The following ASXL2 variants were observed in gnomAD, a reference collection of about 807,000 sequenced individuals.
ASXL2 encodes the protein ASXL transcriptional regulator 2.
Under a neutral mutation model 122.0 loss-of-function variants are expected in ASXL2, and 23 were observed. The ratio of observed to expected loss-of-function variants is 0.19; its 90% CI spans 0.14 to 0.27. The LOEUF (loss-of-function observed/expected upper bound fraction) is 0.27, where lower values mean the gene tolerates loss of function less well. Ranked by LOEUF, ASXL2 falls within the 10% of genes least tolerant of loss-of-function variation. The pLI is 1.00. For missense variants in ASXL2, 1,518 were observed against 1,713.8 expected, an observed-to-expected ratio of 0.89 and a Z score of 2.02; for synonymous variants, 650 against 637.0, an observed-to-expected ratio of 1.02 and a Z score of -0.31.
intron 8 of ASXL2, among the ~76,000 whole-genome samples, chr2:25,761,571 G>A (rs1481767651): frequency 6.6e-6 from 1 of 151,662 alleles, no homozygotes; most frequent in African/African-American, 2.4e-5. Flanking sequence ...TACTCGGGAG[G>A]CTGAGGCAGG....
chr2:25,858,136 T>C (rs2089802394), intron 1 of ASXL2, among the ~76,000 whole-genome samples: 1 of 152,196 alleles, frequency 6.6e-6, no homozygotes, highest in Non-Finnish European at 1.5e-5. Context: ...GATTTAGTGT[T>C]TGCAAATTGA....
At chr2:25,787,999 AG>A (rs998066258) in intron 5 of ASXL2, among the ~76,000 whole-genome samples, 2 of 152,256 alleles carry the variant, frequency 1.3e-5, no homozygotes, top group African/African-American at 2.4e-5. Context: ...TAATTAAAAC[AG>A]GGTGGTACTG....
chr2:25,759,347 C>T, intron 9 of ASXL2, 135 bp downstream of exon 9: 5 of 899,268 alleles, frequency 5.6e-6, no homozygotes, highest in African/African-American at 1.7e-5. Context: ...TTTTTTTTTC[C>T]TAAGCCTTAA....
At chr2:25,869,953 T>G (rs1359052455) in intron 1 of ASXL2, among the ~76,000 whole-genome samples, 1 of 151,636 alleles carries the variant, frequency 6.6e-6, no homozygotes, top group Admixed American at 6.6e-5. Flanking sequence ...GAATAAGGCA[T>G]TAGCCTGGCG....
At chr2:25,748,824 T>TA (rs1332346188) in intron 12 of ASXL2, among the ~76,000 whole-genome samples, 6 of 152,226 alleles carry the variant, frequency 3.9e-5, no homozygotes, top group Admixed American at 6.5e-5. Context: ...CATTGTATAT[T>TA]AAGACAGTCA....
intron 8 of ASXL2, among the ~76,000 whole-genome samples, chr2:25,765,461 C>A (rs1172801780): frequency 2.0e-5 from 3 of 150,646 alleles, no homozygotes; most frequent in East Asian, 2.0e-4. Context: ...ACTCCCTGGG[C>A]AACAGAGCGC....
chr2:25,800,626 TATA>T lies in ASXL2; in HGVS notation c.253-1094_253-1092del, dbSNP rs1173106914. ...CTACGTCAGCTTAGCATGTGAGAGA[TATA>T]ATAACAGGATAGTTCCAAGACCAAA... On this transcript the variant is annotated intron_variant, in intron 4 of 12. Coordinates refer to ENST00000435504, the MANE Select transcript of ASXL2 (RefSeq NM_018263.6). 3.9e-5 allele frequency among the ~76,000 whole-genome samples: 6 copies of T among 152,276 alleles called. No homozygotes were observed. The South Asian group carries it at 1.2e-3, about 32-fold the overall frequency.
In ASXL2 at chr2:25,743,129, G is replaced by A. The variant is rs2149136475; in HGVS notation, c.3208C>T (p.Leu1070Phe). Residue 1070 changes from leucine (L) to phenylalanine (F), a missense_variant, in exon 13 of 13, where the codon CTC (leucine) becomes TTC (phenylalanine). Leu to Phe is a conservative substitution (Grantham distance 22). Coordinates refer to ENST00000435504, the MANE Select transcript of ASXL2 (RefSeq NM_018263.6). The stretch of plus-strand genomic sequence containing the variant: ...TTCTGCCTCCGAACCCTCTGAATGA[G>A]AGTCTGAAGGATCTGATCTTGGGTT... ...KATQDQILQT[L>F]IQRVRRQNLL... The A allele has an allele frequency of 1.2e-6, 2 of 1,614,008 alleles. No homozygotes were observed. Among genetic ancestry groups the A allele is most frequent in the Non-Finnish European group, 8.5e-7 (1 of 1,179,890 alleles).
intron 2 of ASXL2, among the ~76,000 whole-genome samples, chr2:25,843,026 C>G (rs535212725): frequency 6.7e-6 from 1 of 150,272 alleles, no homozygotes; most frequent in Non-Finnish European, 1.5e-5. Context: ...TTTGGCTGGG[C>G]ACGGTGGCTC....
intron 5 of ASXL2, chr2:25,780,199 C>G (rs7591614): frequency 1.3e-5 from 2 of 151,902 alleles, no homozygotes; most frequent in African/African-American, 2.4e-5. Flanking sequence ...CATATACCAC[C>G]AACTGTCTAG....
intron 2 of ASXL2, among the ~76,000 whole-genome samples, chr2:25,843,287 G>A (rs1372815927): frequency 7.1e-6 from 1 of 140,160 alleles, no homozygotes; most frequent in Non-Finnish European, 1.5e-5. Flanking sequence ...GGGCGACACA[G>A]AGAGACTTCG....
intron 2 of ASXL2, among the ~76,000 whole-genome samples, chr2:25,836,773 C>T (rs1467392923): frequency 3.3e-5 from 5 of 152,144 alleles, no homozygotes; most frequent in African/African-American, 1.2e-4. Context: ...GTGAAAGATT[C>T]AAACTCACCA....
chr2:25,786,240 A>ATTTTTTTTTTTTTT (rs1559510977), intron 5 of ASXL2, among the ~76,000 whole-genome samples: 16 of 41,564 alleles, frequency 3.8e-4, no homozygotes, highest in African/African-American at 1.8e-3. Context: ...ACTCCACATC[A>ATTTTTTTTTTTTTT]TTCTTTTTTT....
intron 5 of ASXL2, among the ~76,000 whole-genome samples, chr2:25,787,799 G>C (rs1017046216): frequency 1.3e-5 from 2 of 152,148 alleles, no homozygotes; most frequent in Admixed American, 6.6e-5. Context: ...AACTAAAACT[G>C]ATCTATAGAT....
intron 3 of ASXL2, among the ~76,000 whole-genome samples, chr2:25,833,651 G>A (rs2089478810): frequency 6.6e-6 from 1 of 151,628 alleles, no homozygotes; most frequent in Non-Finnish European, 1.5e-5. Flanking sequence ...AGCTGAGATT[G>A]CACCACTGCA....
At chr2:25,820,779 T>C (rs949855705) in intron 3 of ASXL2, among the ~76,000 whole-genome samples, 2 of 152,088 alleles carry the variant, frequency 1.3e-5, no homozygotes, top group Admixed American at 1.3e-4. Context: ...TCCTAACACT[T>C]TGGGAGGCTG....
intron 6 of ASXL2, among the ~76,000 whole-genome samples, chr2:25,769,909 A>G (rs2088417505): frequency 1.3e-5 from 2 of 152,248 alleles, no homozygotes; most frequent in African/African-American, 4.8e-5. Flanking sequence ...TAAGTTGCCA[A>G]TGCAGAAAAG....
At chr2:25,847,450 C>T (rs1401395160) in intron 1 of ASXL2, among the ~76,000 whole-genome samples, 1 of 152,122 alleles carries the variant, frequency 6.6e-6, no homozygotes, top group Admixed American at 6.6e-5. Context: ...CCCTTAATAA[C>T]ATTAACCACA....
chr2:25,790,104 A>C (rs1322893396), intron 5 of ASXL2, among the ~76,000 whole-genome samples: 2 of 152,292 alleles, frequency 1.3e-5, no homozygotes, highest in East Asian at 3.9e-4. Context: ...AAGCTGAAAA[A>C]TCATCTAAAC....
Sources: gnomAD v4.1 joint callset for allele counts (sites outside exome capture counted in the v4.1 genomes callset) on GRCh38, gnomAD v4.1.1 for gene constraint, MANE v1.5 for transcripts, NCBI Gene and HGNC (gene_info 2026-07-23, HGNC 2026-07-21) for gene names.